The following GSE1 variants were observed in gnomAD, a reference collection of about 807,000 sequenced individuals.
The protein encoded by GSE1 is Gse1 coiled-coil protein.
In GSE1, 32 loss-of-function variants were observed where a neutral mutation model predicts 112.6. That is an observed-to-expected ratio of 0.28 (90% CI 0.21 to 0.38). The LOEUF (loss-of-function observed/expected upper bound fraction) is 0.38, where lower values mean the gene tolerates loss of function less well. GSE1 is among the 10% of genes least tolerant of loss of function. The pLI is 1.00. For synonymous variants in GSE1, 1,115 were observed against 735.6 expected (o/e 1.52, Z -8.35); for missense variants, 2,348 against 1,699.2 (o/e 1.38, Z -6.71).
Position 85,188,100 on chromosome 16 carries a change from G to A in GSE1, c.2283+16293G>A, listed in dbSNP as rs563260291. 1.5e-3 allele frequency among the ~76,000 whole-genome samples: 233 copies of A among 152,332 alleles called. 1 individual carries two copies. Among genetic ancestry groups the A allele is most frequent in the African/African-American group, 5.3e-3 (222 of 41,570 alleles). On this transcript the variant is annotated intron_variant, in intron 1 of 2. Transcript: ENST00000637419. ...GCCACTGTCATCCAAGGGGAGGCAG[G>A]TGTGGGATGGAAACCTGCGAGTGGC...
In GSE1 at chr16:85,521,522, A is replaced by G. The variant is rs570031788; in HGVS notation, c.2465-112392A>G. Among the ~76,000 whole-genome samples the G allele has an allele frequency of 7.9e-5, 12 of 152,350 alleles. 1 individual carries two copies. Among genetic ancestry groups the G allele is most frequent in the African/African-American group, 2.6e-4 (11 of 41,584 alleles). ...GGGTTTCAGGCCCAGCTTTACCTGC[A>G]GCAGTTCAGCTCTGGGCACGTTTGG... On this transcript the variant is annotated intron_variant, in intron 2 of 2. Transcript: ENST00000637419.
intron 2 of GSE1, among the ~76,000 whole-genome samples, chr16:85,390,512 G>C (rs2047813946): frequency 6.6e-6 from 1 of 152,158 alleles, no homozygotes; most frequent in South Asian, 2.1e-4. Context: ...TCAAGCTGTG[G>C]TCCTATAACT....
At chr16:85,590,491 G>T (rs190059536) in intron 1 of GSE1, among the ~76,000 whole-genome samples, 1 of 151,574 alleles carries the variant, frequency 6.6e-6, no homozygotes. Context: ...ATGTGTGAAC[G>T]CATGGGCCTG....
chr16:85,475,000 C>G (rs2050408589), intron 2 of GSE1, among the ~76,000 whole-genome samples: 1 of 152,144 alleles, frequency 6.6e-6, no homozygotes, highest in Non-Finnish European at 1.5e-5. Flanking sequence ...AGTTTATCTC[C>G]TGATGCAGTC....
At chr16:85,236,704 G>A (rs763962790) in intron 1 of GSE1, among the ~76,000 whole-genome samples, 3 of 152,188 alleles carry the variant, frequency 2.0e-5, no homozygotes, top group Non-Finnish European at 4.4e-5. Flanking sequence ...CTGAGCAGGA[G>A]AGTGGCCTGT....
At chr16:85,555,556 C>G, upstream of GSE1, 1 of 972,376 alleles carries the variant, frequency 1.0e-6, no homozygotes, top group Non-Finnish European at 1.2e-6. Flanking sequence ...TTCTCCTCTC[C>G]CCTCTCCCGC....
chr16:85,294,616 ACTCTCTCTCTCT>A (rs756560732), intron 1 of GSE1, among the ~76,000 whole-genome samples: 4,951 of 76,674 alleles, frequency 0.065, 146 homozygotes, highest in Middle Eastern at 0.13. Context: ...CACGCCTCTC[ACTCTCTCTCTCT>A]CTCTCTCTCT....
chr16:85,187,414 G>A lies in GSE1; in HGVS notation c.2283+15607G>A, dbSNP rs565943887. Among the ~76,000 whole-genome samples the A allele has an allele frequency of 1.1e-4, 17 of 152,380 alleles. No homozygotes were observed. In the South Asian group the frequency reaches 3.5e-3, roughly 32 times the overall value. ...CCGGGGCCCCCGCTTCCTGGACTGA[G>A]AGCCCTGCTCTGGGGGAAGAGAGAG... On this transcript the variant is annotated intron_variant, in intron 1 of 2. Transcript: ENST00000637419.
chr16:85,577,783 C>T (rs2046288705), intron 1 of GSE1, among the ~76,000 whole-genome samples: 3 of 152,228 alleles, frequency 2.0e-5, no homozygotes, highest in African/African-American at 7.2e-5. Flanking sequence ...GGTCCCCCAC[C>T]CCAGCAGGGC....
At chr16:85,450,698 C>T (rs561444111) in intron 2 of GSE1, among the ~76,000 whole-genome samples, 2 of 152,160 alleles carry the variant, frequency 1.3e-5, no homozygotes, top group East Asian at 3.9e-4. Flanking sequence ...ATCCACCCGC[C>T]TTGGCCTCCC....
intron 2 of GSE1, among the ~76,000 whole-genome samples, chr16:85,499,916 G>A (rs1380204434): frequency 6.6e-6 from 1 of 152,198 alleles, no homozygotes; most frequent in Non-Finnish European, 1.5e-5. Flanking sequence ...GGCAAAAGTG[G>A]AAGCAAGACC....
chr16:85,211,676 G>A (rs1240268141), intron 1 of GSE1, among the ~76,000 whole-genome samples: 2 of 152,190 alleles, frequency 1.3e-5, no homozygotes, highest in Non-Finnish European at 2.9e-5. Flanking sequence ...CAGGGGTGGA[G>A]TGAGATCCTG....
At chr16:85,544,926 C>T (rs946574084) in intron 2 of GSE1, among the ~76,000 whole-genome samples, 5 of 152,248 alleles carry the variant, frequency 3.3e-5, no homozygotes, top group Non-Finnish European at 5.9e-5. Flanking sequence ...CGCGCTGTCA[C>T]GGTGTCCACA....
At chr16:85,409,646 TG>T (rs1333948345) in intron 2 of GSE1, among the ~76,000 whole-genome samples, 1 of 5,350 alleles carries the variant, frequency 1.9e-4, no homozygotes, top group African/African-American at 2.7e-4. Flanking sequence ...AGGGCCCCCC[TG>T]GATAATCCTC....
chr16:85,554,742 G>A (rs1475951467), upstream of GSE1: 1 of 401,908 alleles, frequency 2.5e-6, no homozygotes, highest in African/African-American at 2.2e-5. Context: ...TCCTGGCGGA[G>A]GGCGAACTCC....
rs10676246 is a variant in GSE1, at chr16:85,313,918, C to CTGTGTGTG, written c.2284-43522_2284-43515dup. Among the ~76,000 whole-genome samples, 659 of 149,286 alleles carry CTGTGTGTG rather than the reference C, an allele frequency of 4.4e-3. 1 individual carries two copies. The highest frequency in any genetic ancestry group is 7.7e-3 in the Non-Finnish European group (521 of 67,242). ...TGTGCTACAGCACTAGTCTGAGCCT[C>CTGTGTGTG]TGTGTGTGTGTGTGTGTGTGTGTGT... On this transcript the variant is annotated intron_variant, in intron 1 of 2. Coordinates refer to the GSE1 transcript ENST00000637419.
intron 1 of GSE1, among the ~76,000 whole-genome samples, chr16:85,632,038 C>G (rs1012005125): frequency 6.6e-6 from 1 of 152,240 alleles, no homozygotes; most frequent in Non-Finnish European, 1.5e-5. Flanking sequence ...TGGCAGCCCG[C>G]ATTTTCTGGA....
chr16:85,645,672 C>T (rs553396697), intron 2 of GSE1, among the ~76,000 whole-genome samples: 1 of 152,350 alleles, frequency 6.6e-6, no homozygotes, highest in South Asian at 2.1e-4. Flanking sequence ...TGCGCGTGCC[C>T]ACTCCGGACA....
At chr16:85,249,381 G>A (rs1043652044) in intron 1 of GSE1, among the ~76,000 whole-genome samples, 5 of 152,236 alleles carry the variant, frequency 3.3e-5, no homozygotes, top group East Asian at 1.9e-4. Flanking sequence ...TGGCACTTGC[G>A]GAGGCCCAGT....
Sources: gnomAD v4.1 joint callset for allele counts (sites outside exome capture counted in the v4.1 genomes callset) on GRCh38, gnomAD v4.1.1 for gene constraint, MANE v1.5 for transcripts, NCBI Gene and HGNC (gene_info 2026-07-23, HGNC 2026-07-21) for gene names.